METTL15: variants seen among roughly 807,000 people sequenced by gnomAD.
The protein encoded by METTL15 is methyltransferase 15, mitochondrial 12S rRNA N4-cytidine, also known as 12S rRNA N(4)-cytidine methyltransferase METTL15.
Under a neutral mutation model 38.3 loss-of-function variants are expected in METTL15, and 34 were observed. The observed-to-expected ratio is 0.89, with a 90% CI of 0.68 to 1.18. The LOEUF (loss-of-function observed/expected upper bound fraction) is 1.18, where lower values mean the gene tolerates loss of function less well. METTL15 is among the 50% of genes most tolerant of loss of function. The pLI is 0.00. For missense variants in METTL15, 438 were observed against 498.4 expected (o/e 0.88, Z 1.15); for synonymous variants, 162 against 170.9 (o/e 0.95, Z 0.41).
intron 6 of METTL15, among the ~76,000 whole-genome samples, chr11:28,440,472 C>G (rs1053575028): frequency 2.6e-5 from 4 of 152,102 alleles, no homozygotes; most frequent in African/African-American, 7.2e-5. Flanking sequence ...TTTAAAGATT[C>G]TGGATTCAGA....
intron 6 of METTL15, among the ~76,000 whole-genome samples, chr11:28,489,574 C>T (rs968663089): frequency 3.9e-5 from 6 of 151,974 alleles, no homozygotes; most frequent in South Asian, 4.2e-4. Context: ...AGCCATGTGC[C>T]TTAGAAAGGG....
chr11:28,394,416 T>A lies in METTL15; in HGVS notation c.*359-29883T>A, dbSNP rs993235410. Among the ~76,000 whole-genome samples the A allele has an allele frequency of 5.9e-5, 9 of 152,224 alleles. 1 individual carries two copies. The South Asian group carries it at 1.9e-3, about 32-fold the overall frequency. Reference sequence around the variant, plus strand: ...CAGCTCTAATGGTCATATTCAGTCATATTTGGGCCTAATTTTCTTTTCTGC... The same window carrying A: ...CAGCTCTAATGGTCATATTCAGTCAAATTTGGGCCTAATTTTCTTTTCTGC... On this transcript the variant is annotated intron_variant and NMD_transcript_variant, in intron 5 of 7. Coordinates refer to the METTL15 transcript ENST00000532947.
chr11:28,434,515 G>A (rs1850964389), intron 6 of METTL15, among the ~76,000 whole-genome samples: 1 of 152,200 alleles, frequency 6.6e-6, no homozygotes, highest in African/African-American at 2.4e-5. Flanking sequence ...ATTTAGAGAT[G>A]TCCATCTAGC....
chr11:28,414,621 T>C (rs568209576), intron 5 of METTL15, among the ~76,000 whole-genome samples: 1 of 152,350 alleles, frequency 6.6e-6, no homozygotes, highest in East Asian at 1.9e-4. Context: ...TCAATGGTTC[T>C]ACAATGTCAA....
chr11:28,162,988 T>G (rs569178555), intron 3 of METTL15, among the ~76,000 whole-genome samples: 3 of 148,628 alleles, frequency 2.0e-5, no homozygotes, highest in East Asian at 2.0e-4. Context: ...TGGTGTAGAT[T>G]GTTTTAAGAA....
At chr11:28,268,876 A>G (rs1324038763) in intron 4 of METTL15, among the ~76,000 whole-genome samples, 2 of 152,170 alleles carry the variant, frequency 1.3e-5, no homozygotes, top group Non-Finnish European at 2.9e-5. Flanking sequence ...CATTTGTACT[A>G]ACAGTGGATA....
intron 4 of METTL15, among the ~76,000 whole-genome samples, chr11:28,285,156 A>G (rs561737915): frequency 1.3e-5 from 2 of 152,172 alleles, no homozygotes; most frequent in African/African-American, 4.8e-5. Context: ...ATTTCCTTAC[A>G]ATCATGAGAA....
At chr11:28,397,129 A>G (rs12366018) in intron 5 of METTL15, among the ~76,000 whole-genome samples, 60,625 of 151,142 alleles carry the variant, frequency 0.4, 13,775 homozygotes, top group Admixed American at 0.52. Context: ...ACCTAAAACC[A>G]TAAAAACCCT....
At chr11:28,452,760 G>C (rs908008031) in intron 6 of METTL15, among the ~76,000 whole-genome samples, 1 of 152,132 alleles carries the variant, frequency 6.6e-6, no homozygotes, top group Non-Finnish European at 1.5e-5. Flanking sequence ...CACTGCCCCC[G>C]TTGAGTGCTT....
At chr11:28,184,698 T>G (rs1221032129) in intron 3 of METTL15, among the ~76,000 whole-genome samples, 1 of 151,640 alleles carries the variant, frequency 6.6e-6, no homozygotes, top group Non-Finnish European at 1.5e-5. Flanking sequence ...AAATTATGAT[T>G]GATTAAAGTT....
At chr11:28,475,686 T>C (rs1349380290) in intron 6 of METTL15, among the ~76,000 whole-genome samples, 1 of 152,224 alleles carries the variant, frequency 6.6e-6, no homozygotes, top group Non-Finnish European at 1.5e-5. Flanking sequence ...AGTTCTCTAG[T>C]TGAGATTTTC....
intron 6 of METTL15, among the ~76,000 whole-genome samples, chr11:28,310,962 GTGGGTGTGT>G (rs1565244487): frequency 2.6e-5 from 3 of 117,454 alleles, no homozygotes; most frequent in Admixed American, 9.0e-5. Flanking sequence ...GGTGGTGGTG[GTGGGTGTGT>G]GTGTGTGTGT....
At position 28,211,110 on chromosome 11, in the gene METTL15, C is replaced by T. The variant is rs769401298; in HGVS notation, c.319C>T (p.Leu107=). The part of the protein sequence containing the change: ...FGSGGHTKAI[L]QKESDIVLYA... ...TTCGGGAGGGCACACAAAAGCCATT[C>T]TGCAGAAGGAGTCAGATATTGTTCT... Residue 107 remains leucine (L), a synonymous_variant, in exon 4 of 7, where the codon CTG becomes TTG. Coordinates refer to ENST00000407364, the MANE Select transcript of METTL15 (RefSeq NM_001113528.2). 10 of 1,612,188 alleles carry T rather than the reference C, an allele frequency of 6.2e-6. No homozygotes were observed. The highest frequency in any genetic ancestry group is 8.5e-6 in the Non-Finnish European group (10 of 1,179,090).
chr11:28,493,136 C>T (rs928789065), intron 6 of METTL15, among the ~76,000 whole-genome samples: 3 of 152,160 alleles, frequency 2.0e-5, no homozygotes, highest in African/African-American at 7.2e-5. Context: ...CCTCATTCTC[C>T]TCTGTGTTCC....
intron 3 of METTL15, among the ~76,000 whole-genome samples, chr11:28,129,557 G>A (rs1371763205): frequency 6.6e-6 from 1 of 151,956 alleles, no homozygotes; most frequent in Admixed American, 6.6e-5. Context: ...CTACAGGTGT[G>A]CAGCTCTACG....
chr11:28,264,532 TTATC>T (rs973119042), intron 4 of METTL15, among the ~76,000 whole-genome samples: 1 of 152,116 alleles, frequency 6.6e-6, no homozygotes, highest in Non-Finnish European at 1.5e-5. Context: ...TGTCACCTGA[TTATC>T]AATCAATTTA....
intron 6 of METTL15, among the ~76,000 whole-genome samples, chr11:28,498,499 A>C (rs1201841106): frequency 6.6e-6 from 1 of 152,190 alleles, no homozygotes; most frequent in African/African-American, 2.4e-5. Context: ...GAAGCTCAAT[A>C]GCATTTTCTG....
intron 5 of METTL15, among the ~76,000 whole-genome samples, chr11:28,369,676 A>G (rs1052452059): frequency 1.3e-5 from 2 of 152,162 alleles, no homozygotes; most frequent in African/African-American, 4.8e-5. Context: ...CAAGAATACT[A>G]TAACTGGCAA....
chr11:28,190,078 G>A (rs1439358669), intron 3 of METTL15, among the ~76,000 whole-genome samples: 1 of 150,738 alleles, frequency 6.6e-6, no homozygotes, highest in Non-Finnish European at 1.5e-5. Context: ...ATTTTTTCTT[G>A]ATCAATAGTT....
Sources: allele counts gnomAD v4.1 joint callset (sites outside exome capture counted in the v4.1 genomes callset), GRCh38; gene constraint gnomAD v4.1.1; transcripts MANE v1.5; gene names NCBI Gene and HGNC (gene_info 2026-07-23, HGNC 2026-07-21).